The following KPNA5 variants were observed in gnomAD, a reference collection of about 807,000 sequenced individuals.
The protein encoded by KPNA5 is karyopherin subunit alpha 5, also known as importin subunit alpha-6.
A neutral mutation model predicts 71.3 loss-of-function variants in KPNA5; 46 were observed. The observed-to-expected ratio is 0.65, with a 90% confidence interval of 0.51 to 0.83. The LOEUF (loss-of-function observed/expected upper bound fraction) is 0.83. Among genes scored for constraint, KPNA5 ranks in the 40% least tolerant of loss-of-function variants. The pLI is 0.00. For missense variants in KPNA5, 547 were observed against 628.3 expected, an observed-to-expected ratio of 0.87 and a Z score of 1.38; for synonymous variants, 207 against 201.4, an observed-to-expected ratio of 1.03 and a Z score of -0.24.
At chr6:116,689,246 G>T in intron 1 of KPNA5, 74 bp from the exon 2 acceptor site, 1 of 1,481,148 alleles carries the variant, frequency 6.8e-7, no homozygotes, top group South Asian at 1.3e-5. Context: ...GAATTTAGTT[G>T]CTAGATTAAG....
At position 116,732,074 on chromosome 6, in the gene KPNA5, TTATA is replaced by T. The variant is rs2243369; in HGVS notation, c.1433-17_1433-14del. ...TACTGAAATTGTAGTAACAGTTTGT[TTATA>T]TATATATATATATATATATATATAT... On this transcript the variant is annotated intron_variant, in intron 13 of 13. Coordinates refer to ENST00000368564, the MANE Select transcript of KPNA5 (RefSeq NM_001366306.2). The T allele has an allele frequency of 2.0e-3, 135 of 67,680 alleles. 1 individual carries two copies. Among genetic ancestry groups the T allele is most frequent in the Middle Eastern group, 8.6e-3 (1 of 116 alleles). 4.2% of individuals were successfully genotyped at this position (67,680 alleles called of 1,614,324 possible).
At chr6:116,688,492 T>C (rs1256274872) in intron 1 of KPNA5, among the ~76,000 whole-genome samples, 1 of 152,158 alleles carries the variant, frequency 6.6e-6, no homozygotes, top group African/African-American at 2.4e-5. Flanking sequence ...GAATAGGTTA[T>C]AATATCAGTA....
chr6:116,700,723 G>C (rs1359191928), intron 5 of KPNA5, among the ~76,000 whole-genome samples: 1 of 152,086 alleles, frequency 6.6e-6, no homozygotes, highest in African/African-American at 2.4e-5. Flanking sequence ...AAAAAATTGG[G>C]GGATTTCAAA....
chr6:116,687,951 G>A (rs2114362015), intron 1 of KPNA5, among the ~76,000 whole-genome samples: 1 of 152,140 alleles, frequency 6.6e-6, no homozygotes, highest in Non-Finnish European at 1.5e-5. Flanking sequence ...TGCATTATAG[G>A]AACCATATGT....
chr6:116,689,532 T>G, intron 2 of KPNA5, 79 bp downstream of exon 2: 3 of 1,238,028 alleles, frequency 2.4e-6, no homozygotes, highest in Non-Finnish European at 3.3e-6. Context: ...TAAATGGAAA[T>G]GTTTTAAGAA....
intron 4 of KPNA5, among the ~76,000 whole-genome samples, chr6:116,696,122 A>G (rs1778019340): frequency 6.6e-6 from 1 of 152,094 alleles, no homozygotes; most frequent in Non-Finnish European, 1.5e-5. Flanking sequence ...GTCCTCATTT[A>G]CTCTAATTCC....
intron 6 of KPNA5, among the ~76,000 whole-genome samples, 166 bp from the exon 7 acceptor site, chr6:116,704,906 A>G (rs1267723152): frequency 6.6e-6 from 1 of 152,086 alleles, no homozygotes; most frequent in Non-Finnish European, 1.5e-5. Context: ...CTATCTTTCA[A>G]TTTGAATAAA....
chr6:116,708,578 A>G (rs1778534361), intron 7 of KPNA5, among the ~76,000 whole-genome samples: 1 of 152,192 alleles, frequency 6.6e-6, no homozygotes, highest in African/African-American at 2.4e-5. Context: ...AACCTGGGAA[A>G]TCTTTTAATT....
rs1405544055 is a variant in KPNA5 at position 116,733,108 on chromosome 6, AGT to A, written c.*788_*789del. 1.3e-5 allele frequency: 2 copies of A among 151,820 alleles called. No homozygotes were observed. Among genetic ancestry groups the A allele is most frequent in the East Asian group, 3.9e-4 (2 of 5,192 alleles). The allele number at this position is 151,820 out of a possible 1,614,324, so 9.4% of individuals were successfully genotyped here. On this transcript the variant is annotated 3_prime_UTR_variant, in exon 14 of 14. Coordinates refer to ENST00000368564, the MANE Select transcript of KPNA5 (RefSeq NM_001366306.2). ...CCAAATATGCTACCATTTTTGAAAT[AGT>A]GTTTTATTGTTTTTCACTCATTGTT...
intron 8 of KPNA5, among the ~76,000 whole-genome samples, chr6:116,721,206 C>T (rs1779092459): frequency 6.6e-6 from 1 of 152,058 alleles, no homozygotes; most frequent in Admixed American, 6.5e-5. Context: ...CGTTTATATA[C>T]TGATATTCTT....
intron 7 of KPNA5, among the ~76,000 whole-genome samples, chr6:116,711,375 A>G (rs1345534586): frequency 6.7e-6 from 1 of 148,758 alleles, no homozygotes; most frequent in East Asian, 2.0e-4. Context: ...GCTAGCTATG[A>G]GTTTTGTTTA....
Position 116,736,605 on chromosome 6 carries a change from G to A in KPNA5, c.*4282G>A, listed in dbSNP as rs1467622861. The A allele has an allele frequency of 6.6e-6, 1 of 151,878 alleles. No individual in the cohort carries two copies. Among genetic ancestry groups the A allele is most frequent in the Non-Finnish European group, 1.5e-5 (1 of 67,874 alleles). The allele number at this position is 151,878 out of a possible 1,614,324, so 9.4% of individuals were successfully genotyped here. On this transcript the variant is annotated 3_prime_UTR_variant, in exon 14 of 14. Transcript: ENST00000368564. Reference sequence around the variant, plus strand: ...CCCAAAGCAACCAATTCTTGTTCTTGGAGTTAGCTGAGCTTCCTAGGATCC... The same window carrying A: ...CCCAAAGCAACCAATTCTTGTTCTTAGAGTTAGCTGAGCTTCCTAGGATCC...
At chr6:116,703,803 CT>C (rs1463679754) in intron 6 of KPNA5, among the ~76,000 whole-genome samples, 1 of 152,128 alleles carries the variant, frequency 6.6e-6, no homozygotes, top group Non-Finnish European at 1.5e-5. Context: ...AACATGTCTA[CT>C]TTTGTACTAA....
intron 1 of KPNA5, among the ~76,000 whole-genome samples, chr6:116,687,060 T>C (rs1373918939): frequency 6.6e-6 from 1 of 152,236 alleles, no homozygotes; most frequent in African/African-American, 2.4e-5. Context: ...TTTCTAGTTC[T>C]GTGAAGAATG....
chr6:116,696,600 A>G (rs1251384289), intron 4 of KPNA5, among the ~76,000 whole-genome samples: 1 of 152,140 alleles, frequency 6.6e-6, no homozygotes, highest in Non-Finnish European at 1.5e-5. Flanking sequence ...TTGTGGATGT[A>G]AATCACAAAC....
At chr6:116,727,523 A>G (rs1169658252) in intron 12 of KPNA5, among the ~76,000 whole-genome samples, 1 of 152,076 alleles carries the variant, frequency 6.6e-6, no homozygotes, top group African/African-American at 2.4e-5. Flanking sequence ...AAAGATATGC[A>G]TAGGTTGTAT....
rs60192708 is a variant in KPNA5, at chr6:116,699,655, A to C, written c.435+857A>C. 6.2e-3 allele frequency among the ~76,000 whole-genome samples: 943 copies of C among 152,300 alleles called. 11 individuals carry two copies. The highest frequency in any genetic ancestry group is 0.022 in the African/African-American group (920 of 41,562). On this transcript the variant is annotated intron_variant, in intron 5 of 13. Coordinates refer to ENST00000368564, the MANE Select transcript of KPNA5 (RefSeq NM_001366306.2). Reference sequence around the variant, plus strand: ...AATGTTTACAATAAGGGTCTCTAAGAGGCTACTTTAGTCATGTTACAGTTT... The same window carrying C: ...AATGTTTACAATAAGGGTCTCTAAGCGGCTACTTTAGTCATGTTACAGTTT...
intron 6 of KPNA5, among the ~76,000 whole-genome samples, chr6:116,703,729 G>C (rs1034549973): frequency 2.6e-5 from 4 of 152,086 alleles, no homozygotes; most frequent in African/African-American, 7.2e-5. Flanking sequence ...TAGGTCTAGA[G>C]TAGATGTTAA....
chr6:116,691,959 G>T, intron 2 of KPNA5, 96 bp from the exon 3 acceptor site: 2 of 763,118 alleles, frequency 2.6e-6, no homozygotes, highest in Non-Finnish European at 4.5e-6. Context: ...AAATTGATAG[G>T]TTTCTTTTGT....
Sources: gnomAD v4.1 joint callset for allele counts (sites outside exome capture counted in the v4.1 genomes callset) on GRCh38, gnomAD v4.1.1 for gene constraint, MANE v1.5 for transcripts, NCBI Gene and HGNC (gene_info 2026-07-23, HGNC 2026-07-21) for gene names.